Variants in SEL1L2 observed in about 807,000 individuals in gnomAD.
The protein encoded by SEL1L2 is protein sel-1 homolog 2.
A neutral mutation model predicts 98.8 loss-of-function variants in SEL1L2; 89 were observed. That is an observed-to-expected ratio of 0.90 (90% confidence interval 0.76 to 1.07). SEL1L2 has a LOEUF of 1.07. Among genes scored for constraint, SEL1L2 ranks in the 50% least tolerant of loss-of-function variants. SEL1L2 has a pLI of 0.00. For missense variants in SEL1L2, 788 were observed against 812.0 expected (o/e 0.97, Z 0.36); for synonymous variants, 262 against 278.5 (o/e 0.94, Z 0.59).
rs186174440 is a variant in SEL1L2 at position 13,958,803 on chromosome 20, G to T, written c.59-2672C>A. Among the ~76,000 whole-genome samples, 78 of 151,976 alleles carry T rather than the reference G, an allele frequency of 5.1e-4. No homozygotes were observed. The Middle Eastern group carries it at 0.01, about 20-fold the overall frequency. On this transcript the variant is annotated intron_variant, in intron 1 of 19. Transcript: ENST00000284951. Reference sequence around the variant, plus strand: ...TACAAAAAAAAAAAAAGTTAGCCGGGTGTGGTGGCAGGCGCCTGTAGTCCC... The same window carrying T: ...TACAAAAAAAAAAAAAGTTAGCCGGTTGTGGTGGCAGGCGCCTGTAGTCCC...
In SEL1L2 at chr20:13,939,040, G is replaced by GGTTTTT; in HGVS notation, c.115-7270_115-7269insAAAAAC. 4.3e-4 allele frequency among the ~76,000 whole-genome samples: 49 copies of GGTTTTT among 114,062 alleles called. 3 individuals are homozygous for GGTTTTT. Among genetic ancestry groups the GGTTTTT allele is most frequent in the Non-Finnish European group, 5.6e-4 (32 of 57,522 alleles). 74.8% of individuals were successfully genotyped at this position (114,062 alleles called of 152,430 possible). A position where few individuals can be genotyped will look rare whatever the true frequency, so the allele number is the denominator to read the frequency against. ...TCTTTTTGGTTTGTTTGCTTGTTTT[G>GGTTTTT]TTTTTTTTTTTTTTTTTTTCTGAGA... On this transcript the variant is annotated intron_variant, in intron 2 of 19. Coordinates refer to ENST00000284951, the MANE Select transcript of SEL1L2 (RefSeq NM_025229.2).
intron 1 of SEL1L2, among the ~76,000 whole-genome samples, chr20:13,987,105 A>ACAGG (rs35419497): frequency 0.25 from 37,470 of 151,832 alleles, 5,130 homozygotes; most frequent in African/African-American, 0.38. Context: ...TGCTGGGATT[A>ACAGG]CAGGCGTGAG....
intron 1 of SEL1L2, among the ~76,000 whole-genome samples, chr20:13,966,463 C>T (rs1394635897): frequency 6.6e-6 from 1 of 151,948 alleles, no homozygotes; most frequent in African/African-American, 2.4e-5. Context: ...GAATTACAGG[C>T]GCCCATTACC....
At chr20:13,951,514 T>G (rs1463366794) in intron 2 of SEL1L2, among the ~76,000 whole-genome samples, 1 of 102,260 alleles carries the variant, frequency 9.8e-6, no homozygotes, top group Admixed American at 1.0e-4. Context: ...CAGGAGAATC[T>G]CTTGAATCCG....
At chr20:13,887,917 T>C (rs755806420) in intron 7 of SEL1L2, 25 bp downstream of exon 7, 65 of 1,612,330 alleles carry the variant, frequency 4.0e-5, no homozygotes, top group Non-Finnish European at 4.8e-5. Context: ...ACAAATTTGG[T>C]TCCAAGAATA....
At chr20:13,873,602 C>T (rs577053783) in intron 12 of SEL1L2, among the ~76,000 whole-genome samples, 62 of 152,048 alleles carry the variant, frequency 4.1e-4, no homozygotes, top group African/African-American at 1.3e-3. Flanking sequence ...CCTGGTGATC[C>T]GCCTGCCTCA....
chr20:13,860,087 C>G (rs1044426350), intron 17 of SEL1L2, among the ~76,000 whole-genome samples: 3 of 152,286 alleles, frequency 2.0e-5, no homozygotes, highest in Admixed American at 6.5e-5. Context: ...TGGACCCCAT[C>G]CCTCCCATTC....
At chr20:13,935,202 G>T (rs961472650) in intron 2 of SEL1L2, among the ~76,000 whole-genome samples, 13 of 152,140 alleles carry the variant, frequency 8.5e-5, no homozygotes, top group African/African-American at 3.1e-4. Flanking sequence ...TTGGAAGACA[G>T]AGAGGCTTTC....
chr20:13,902,843 C>T (rs1450630922), intron 5 of SEL1L2, among the ~76,000 whole-genome samples: 4 of 152,076 alleles, frequency 2.6e-5, no homozygotes, highest in Admixed American at 6.5e-5. Context: ...TCCGGCCAGG[C>T]GCGGTGGCTC....
rs113299173 is a variant in SEL1L2 at position 13,858,819 on chromosome 20, C to T, written c.1818+443G>A. On this transcript the variant is annotated intron_variant, in intron 18 of 19. Transcript: ENST00000284951. The stretch of plus-strand genomic sequence containing the variant: ...CACTGGGTCATGTACACAGTAGGTG[C>T]TTCATAAGACTTTTCTGGATTAATA... Among the ~76,000 whole-genome samples, 19 of 152,308 alleles carry T rather than the reference C, an allele frequency of 1.2e-4. 2 individuals are homozygous for T. Among genetic ancestry groups the T allele is most frequent in the African/African-American group, 4.1e-4 (17 of 41,566 alleles).
intron 3 of SEL1L2, among the ~76,000 whole-genome samples, chr20:13,929,003 CATCAA>C (rs2049012113): frequency 6.6e-6 from 1 of 152,004 alleles, no homozygotes; most frequent in South Asian, 2.1e-4. Context: ...GATTAAAACC[CATCAA>C]AAGGAGATTA....
chr20:13,958,463 C>T (rs901052038), intron 1 of SEL1L2, among the ~76,000 whole-genome samples: 2 of 152,224 alleles, frequency 1.3e-5, no homozygotes, highest in Admixed American at 6.5e-5. Flanking sequence ...TTATTACTTG[C>T]TGTTTATTTT....
intron 1 of SEL1L2, among the ~76,000 whole-genome samples, 200 bp from the exon 2 acceptor site, chr20:13,956,331 G>A (rs1213195894): frequency 6.6e-6 from 1 of 152,036 alleles, no homozygotes; most frequent in Non-Finnish European, 1.5e-5. Context: ...GCTAGAACTT[G>A]ACACCAGAGA....
chr20:13,991,346 C>T (rs2052526456), upstream of SEL1L2, among the ~76,000 whole-genome samples: 1 of 152,108 alleles, frequency 6.6e-6, no homozygotes, highest in Non-Finnish European at 1.5e-5. Context: ...TTATTAGTTT[C>T]CCATTGCTGT....
At chr20:13,924,576 C>T (rs1051459193) in intron 3 of SEL1L2, among the ~76,000 whole-genome samples, 1 of 152,030 alleles carries the variant, frequency 6.6e-6, no homozygotes, top group Non-Finnish European at 1.5e-5. Context: ...CTGGTATGTG[C>T]CACCATGCCT....
intron 12 of SEL1L2, among the ~76,000 whole-genome samples, chr20:13,871,886 T>C (rs1357025704): frequency 6.6e-6 from 1 of 152,168 alleles, no homozygotes; most frequent in Non-Finnish European, 1.5e-5. Context: ...GAACTTATGT[T>C]CTAATAAAAA....
intron 10 of SEL1L2, among the ~76,000 whole-genome samples, chr20:13,881,677 A>G (rs767358382): frequency 6.6e-6 from 1 of 152,234 alleles, no homozygotes; most frequent in Non-Finnish European, 1.5e-5. Context: ...ACAACTCATG[A>G]GAGAGATTAG....
intron 15 of SEL1L2, among the ~76,000 whole-genome samples, 160 bp from the exon 16 acceptor site, chr20:13,865,674 A>G (rs1413186082): frequency 6.6e-6 from 1 of 152,090 alleles, no homozygotes; most frequent in Non-Finnish European, 1.5e-5. Flanking sequence ...AAGAGTTAAT[A>G]CCTTTTATAG....
intron 1 of SEL1L2, among the ~76,000 whole-genome samples, chr20:13,969,022 A>T (rs2051170880): frequency 6.6e-6 from 1 of 152,240 alleles, no homozygotes; most frequent in African/African-American, 2.4e-5. Context: ...CTCTAGAAAT[A>T]GGGCACTAAA....
Sources: allele counts gnomAD v4.1 joint callset (sites outside exome capture counted in the v4.1 genomes callset), GRCh38; gene constraint gnomAD v4.1.1; transcripts MANE v1.5; gene names NCBI Gene and HGNC (gene_info 2026-07-23, HGNC 2026-07-21).